The following KIAA0825 variants were observed in gnomAD, a reference collection of about 807,000 sequenced individuals.
KIAA0825 encodes KIAA0825, also known as uncharacterized protein KIAA0825.
In KIAA0825, 119 loss-of-function variants were observed where a neutral mutation model predicts 147.6. That is an observed-to-expected ratio of 0.81 (90% CI 0.69 to 0.94). KIAA0825 has a LOEUF of 0.94. Ranked by LOEUF, KIAA0825 falls within the 40% of genes least tolerant of loss-of-function variation. KIAA0825 has a pLI of 0.00. For synonymous variants in KIAA0825, 470 were observed against 518.1 expected (o/e 0.91, Z 1.26); for missense variants, 1,381 against 1,472.7 (o/e 0.94, Z 1.02).
chr5:94,378,845 C>T (rs752134903), intron 20 of KIAA0825, among the ~76,000 whole-genome samples: 9 of 152,136 alleles, frequency 5.9e-5, no homozygotes, highest in Admixed American at 2.6e-4. Flanking sequence ...TTGCGTTTCT[C>T]TAATATTTAG....
intron 6 of KIAA0825, among the ~76,000 whole-genome samples, chr5:94,478,402 C>A (rs1346428177): frequency 6.6e-6 from 1 of 151,752 alleles, no homozygotes; most frequent in East Asian, 1.9e-4. Flanking sequence ...AGTGACAGAA[C>A]ACTGCAAACA....
intron 1 of KIAA0825, among the ~76,000 whole-genome samples, chr5:94,602,516 T>G (rs575416583): frequency 6.6e-6 from 1 of 152,036 alleles, no homozygotes; most frequent in Admixed American, 6.5e-5. Context: ...AATCCCAACG[T>G]GTTGTTGAGA....
At chr5:94,367,839 C>A (rs1166531201) in intron 20 of KIAA0825, among the ~76,000 whole-genome samples, 1 of 152,190 alleles carries the variant, frequency 6.6e-6, no homozygotes, top group Admixed American at 6.5e-5. Context: ...ATTCTATCAG[C>A]ATCAAAAAGT....
intron 20 of KIAA0825, among the ~76,000 whole-genome samples, chr5:94,295,247 C>T (rs1584032821): frequency 6.6e-6 from 1 of 151,870 alleles, no homozygotes; most frequent in Non-Finnish European, 1.5e-5. Context: ...ACAAAATTCT[C>T]GTGCTGTGTT....
intron 20 of KIAA0825, among the ~76,000 whole-genome samples, chr5:94,226,254 A>T (rs890694871): frequency 6.6e-6 from 1 of 152,202 alleles, no homozygotes; most frequent in Admixed American, 6.5e-5. Context: ...GCCAACAGAC[A>T]TATGAAAAAA....
chr5:94,492,556 CT>C (rs1324861955), intron 5 of KIAA0825, among the ~76,000 whole-genome samples: 2 of 152,154 alleles, frequency 1.3e-5, no homozygotes, highest in Non-Finnish European at 2.9e-5. Context: ...AGGCAGAGAT[CT>C]TTTTCCCCCA....
rs116651514 is a variant in KIAA0825, at chr5:94,432,349, A to G, written c.2497+7633T>C. Among the ~76,000 whole-genome samples the G allele has an allele frequency of 9.3e-3, 1,412 of 152,290 alleles. 30 individuals carry two copies. The highest frequency in any genetic ancestry group is 0.033 in the African/African-American group (1,353 of 41,566). ...CCAGATCCCCAGGTAATATGTTTGC[A>G]CTTAAAGACAAGAAGCCTTATTTTA... is the stretch of plus-strand genomic sequence containing the variant. On this transcript the variant is annotated intron_variant, in intron 14 of 20. Coordinates refer to ENST00000682413, the MANE Select transcript of KIAA0825 (RefSeq NM_001145678.3).
chr5:94,208,465 A>C (rs1772404944), intron 20 of KIAA0825, among the ~76,000 whole-genome samples: 1 of 152,256 alleles, frequency 6.6e-6, no homozygotes, highest in Non-Finnish European at 1.5e-5. Flanking sequence ...ATGTTAACAG[A>C]CATACCAGAC....
At chr5:94,523,856 A>T in intron 4 of KIAA0825, 74 bp downstream of exon 4, 1 of 979,938 alleles carries the variant, frequency 1.0e-6, no homozygotes, top group Non-Finnish European at 1.5e-6. Flanking sequence ...ATAAATATTT[A>T]CGTATAGAAA....
In KIAA0825 at chr5:94,477,200, A is replaced by G. The variant is rs1173837901; in HGVS notation, c.1138T>C (p.Leu380=). ...LKITRDTSGI[L]EKSDREVVME... is the part of the protein sequence containing the mutation. The stretch of plus-strand genomic sequence containing the variant: ...ACAACCTCTCTATCGGATTTCTCCA[A>G]AATTCCTAAGCAATAGAAAAGAAAA... The change falls in exon 7 of 21, where the codon TTG becomes CTG. Residue 380 remains leucine (L), a synonymous_variant. Coordinates refer to ENST00000682413, the MANE Select transcript of KIAA0825 (RefSeq NM_001145678.3). 1.3e-6 allele frequency: 2 copies of G among 1,546,812 alleles called. No homozygotes were observed. The highest frequency in any genetic ancestry group is 2.5e-5 in the East Asian group (1 of 40,790).
intron 20 of KIAA0825, among the ~76,000 whole-genome samples, chr5:94,185,964 A>C (rs1416635566): frequency 6.6e-6 from 1 of 152,164 alleles, no homozygotes; most frequent in African/African-American, 2.4e-5. Context: ...GCACTATACA[A>C]ATGTATTACA....
intron 2 of KIAA0825, among the ~76,000 whole-genome samples, chr5:94,542,489 T>G (rs139349425): frequency 6.6e-6 from 1 of 152,212 alleles, no homozygotes; most frequent in Non-Finnish European, 1.5e-5. Flanking sequence ...TATGGCAATA[T>G]AGTTATTTGC....
chr5:94,557,243 C>T (rs1260883785), intron 2 of KIAA0825, among the ~76,000 whole-genome samples: 1 of 152,116 alleles, frequency 6.6e-6, no homozygotes, highest in Admixed American at 6.5e-5. Flanking sequence ...CTCCTCCTAA[C>T]TGGGACTACA....
intron 1 of KIAA0825, among the ~76,000 whole-genome samples, chr5:94,599,375 A>G (rs1275606654): frequency 2.4e-5 from 3 of 125,410 alleles, no homozygotes; most frequent in Non-Finnish European, 5.1e-5. Flanking sequence ...TTGTATTTCA[A>G]CTGATTTTTG....
At chr5:94,480,585 C>T (rs533739021) in intron 6 of KIAA0825, among the ~76,000 whole-genome samples, 1 of 152,020 alleles carries the variant, frequency 6.6e-6, no homozygotes, top group African/African-American at 2.4e-5. Context: ...TATTGTGTAG[C>T]TATAGTTTAA....
intron 5 of KIAA0825, among the ~76,000 whole-genome samples, chr5:94,496,994 C>G (rs982491579): frequency 6.6e-6 from 1 of 152,184 alleles, no homozygotes; most frequent in Non-Finnish European, 1.5e-5. Flanking sequence ...GCCTCTTGAA[C>G]GTGGCGCCTT....
intron 14 of KIAA0825, among the ~76,000 whole-genome samples, chr5:94,426,879 A>G (rs1465693225): frequency 3.3e-5 from 5 of 152,166 alleles, no homozygotes; most frequent in Non-Finnish European, 4.4e-5. Flanking sequence ...GTAAAAAGAA[A>G]TCTTAAATAC....
chr5:94,225,662 G>T (rs996356802), intron 20 of KIAA0825, among the ~76,000 whole-genome samples: 2 of 152,186 alleles, frequency 1.3e-5, no homozygotes, highest in Admixed American at 6.5e-5. Flanking sequence ...GCAGGCACTT[G>T]ATCTGCTGAC....
chr5:94,356,517 C>T (rs1056673329), intron 20 of KIAA0825, among the ~76,000 whole-genome samples: 2 of 150,988 alleles, frequency 1.3e-5, no homozygotes. Context: ...GAGGCTGAGG[C>T]AGGAGAATGG....
Sources: allele counts gnomAD v4.1 joint callset (sites outside exome capture counted in the v4.1 genomes callset), GRCh38; gene constraint gnomAD v4.1.1; transcripts MANE v1.5; gene names NCBI Gene and HGNC (gene_info 2026-07-23, HGNC 2026-07-21).